The following SEMA3A variants were observed in gnomAD, a reference collection of about 807,000 sequenced individuals.
SEMA3A encodes semaphorin-3A.
A neutral mutation model predicts 97.9 loss-of-function variants in SEMA3A; 29 were observed. The ratio of observed to expected loss-of-function variants is 0.30; its 90% CI spans 0.22 to 0.40. The LOEUF is 0.40. Among genes scored for constraint, SEMA3A ranks in the 10% least tolerant of loss-of-function variants. The pLI, the probability that SEMA3A is intolerant of heterozygous loss-of-function variation, is 1.00. For missense variants in SEMA3A, 763 were observed against 951.3 expected (o/e 0.80, Z 2.60); for synonymous variants, 321 against 323.7 (o/e 0.99, Z 0.09).
chr7:84,437,114 G>A (rs916121509), intron 1 of SEMA3A, among the ~76,000 whole-genome samples: 9 of 151,986 alleles, frequency 5.9e-5, no homozygotes, highest in Admixed American at 3.9e-4. Flanking sequence ...GATCACAAGC[G>A]TTTTTACAAT....
At chr7:84,047,801 C>T (rs1034057339) in intron 5 of SEMA3A, among the ~76,000 whole-genome samples, 1 of 151,906 alleles carries the variant, frequency 6.6e-6, no homozygotes, top group African/African-American at 2.4e-5. Context: ...ATTTGTGTAA[C>T]ATTACCATAT....
intron 1 of SEMA3A, among the ~76,000 whole-genome samples, chr7:84,421,202 G>A (rs1005839954): frequency 6.6e-6 from 1 of 151,906 alleles, no homozygotes; most frequent in Non-Finnish European, 1.5e-5. Flanking sequence ...TAAAACCCTG[G>A]AGGCCATATT....
At chr7:84,076,662 T>C (rs1410571823) in intron 4 of SEMA3A, among the ~76,000 whole-genome samples, 2 of 152,152 alleles carry the variant, frequency 1.3e-5, no homozygotes, top group African/African-American at 2.4e-5. Context: ...ACTATTAACA[T>C]AGTAAAGGTA....
intron 1 of SEMA3A, among the ~76,000 whole-genome samples, chr7:84,412,376 A>G (rs1052732197): frequency 1.3e-5 from 2 of 152,160 alleles, no homozygotes; most frequent in Admixed American, 6.6e-5. Flanking sequence ...TTCCATGGTG[A>G]GTGCTTAGCA....
At chr7:84,488,644 A>C (rs1248915425) in intron 1 of SEMA3A, among the ~76,000 whole-genome samples, 2 of 152,162 alleles carry the variant, frequency 1.3e-5, no homozygotes, top group African/African-American at 4.8e-5. Flanking sequence ...AGGTGTGGAC[A>C]TGTGAAATGA....
At chr7:84,296,033 C>T (rs373164452) in intron 3 of SEMA3A, among the ~76,000 whole-genome samples, 1 of 152,178 alleles carries the variant, frequency 6.6e-6, no homozygotes, top group African/African-American at 2.4e-5. Context: ...ATCACACAAT[C>T]AAGTTACTAA....
At chr7:84,063,024 A>G (rs1404841566) in intron 4 of SEMA3A, among the ~76,000 whole-genome samples, 5 of 151,974 alleles carry the variant, frequency 3.3e-5, no homozygotes, top group Non-Finnish European at 7.4e-5. Context: ...GCCCTGTCTG[A>G]CAGCTTTGAA....
chr7:84,289,057 C>A (rs1240260078), intron 3 of SEMA3A, among the ~76,000 whole-genome samples: 1 of 152,088 alleles, frequency 6.6e-6, no homozygotes, highest in Non-Finnish European at 1.5e-5. Context: ...ATAATCTTCT[C>A]ATTTGCAGCA....
chr7:84,417,338 T>C (rs1418242415), intron 1 of SEMA3A, among the ~76,000 whole-genome samples: 1 of 152,096 alleles, frequency 6.6e-6, no homozygotes, highest in Non-Finnish European at 1.5e-5. Context: ...AATCAATATA[T>C]AGTATTAAAT....
chr7:84,303,326 A>T (rs1408977477), intron 3 of SEMA3A, among the ~76,000 whole-genome samples: 1 of 152,124 alleles, frequency 6.6e-6, no homozygotes, highest in Non-Finnish European at 1.5e-5. Context: ...ATTGCAGCAT[A>T]ATTTTCTTAG....
chr7:84,261,395 T>A (rs554557818), intron 3 of SEMA3A, among the ~76,000 whole-genome samples: 3 of 152,116 alleles, frequency 2.0e-5, no homozygotes, highest in Non-Finnish European at 4.4e-5. Context: ...GCTGACCACA[T>A]TGTGGGTGAT....
At chr7:84,058,274 C>T (rs1286689528) in intron 5 of SEMA3A, among the ~76,000 whole-genome samples, 1 of 152,100 alleles carries the variant, frequency 6.6e-6, no homozygotes, top group Non-Finnish European at 1.5e-5. Flanking sequence ...TAGGTTTTCC[C>T]AATGGCCATT....
chr7:84,166,833 C>T (rs1797225276), intron 1 of SEMA3A, among the ~76,000 whole-genome samples: 1 of 148,056 alleles, frequency 6.8e-6, no homozygotes, highest in East Asian at 2.0e-4. Context: ...CGAGATTGCA[C>T]CACTGCACTC....
intron 2 of SEMA3A, among the ~76,000 whole-genome samples, chr7:84,363,443 C>G (rs1802771222): frequency 6.6e-6 from 1 of 151,884 alleles, no homozygotes; most frequent in Non-Finnish European, 1.5e-5. Flanking sequence ...CATGTTCTTT[C>G]AATTTTTCAC....
At chr7:84,381,803 CA>C (rs1290376902) in intron 1 of SEMA3A, among the ~76,000 whole-genome samples, 2 of 152,122 alleles carry the variant, frequency 1.3e-5, no homozygotes, top group African/African-American at 4.8e-5. Context: ...GTAGCAAATA[CA>C]GTTGATTGGA....
At chr7:84,227,746 A>T (rs1413993467) in intron 3 of SEMA3A, among the ~76,000 whole-genome samples, 1 of 152,046 alleles carries the variant, frequency 6.6e-6, no homozygotes, top group Non-Finnish European at 1.5e-5. Context: ...GAACTGAAAT[A>T]CCCGGCTTAT....
chr7:84,344,914 A>G (rs1802259042), intron 2 of SEMA3A, among the ~76,000 whole-genome samples: 1 of 152,172 alleles, frequency 6.6e-6, no homozygotes, highest in African/African-American at 2.4e-5. Flanking sequence ...CACTGAAATA[A>G]AATATTTTGA....
At chr7:84,444,317 C>T (rs77871432) in intron 1 of SEMA3A, among the ~76,000 whole-genome samples, 4,062 of 152,134 alleles carry the variant, frequency 0.027, 171 homozygotes, top group African/African-American at 0.091. Flanking sequence ...CTTGTCTCTG[C>T]AGTTTATCTA....
intron 4 of SEMA3A, among the ~76,000 whole-genome samples, chr7:84,065,098 A>C (rs1418214234): frequency 1.4e-5 from 2 of 144,836 alleles, no homozygotes; most frequent in Non-Finnish European, 3.0e-5. Context: ...TCAAACTAGA[A>C]CTCAGGATTA....
Sources: gnomAD v4.1 joint callset for allele counts (sites outside exome capture counted in the v4.1 genomes callset) on GRCh38, gnomAD v4.1.1 for gene constraint, MANE v1.5 for transcripts, NCBI Gene and HGNC (gene_info 2026-07-23, HGNC 2026-07-21) for gene names.